FAT4: variants seen among roughly 807,000 people sequenced by gnomAD.
FAT4 encodes protocadherin Fat 4.
FAT4 carries 84 observed loss-of-function variants against 303.9 expected under a neutral mutation model. The ratio of observed to expected loss-of-function variants is 0.28; its 90% confidence interval spans 0.23 to 0.33. The LOEUF is 0.33. Ranked by LOEUF, FAT4 falls within the 10% of genes least tolerant of loss-of-function variation. The probability of loss-of-function intolerance (pLI) is 1.00; values close to 1 mark genes in which losing one functional copy is unlikely to be tolerated. For synonymous variants in FAT4, 2,307 were observed against 2,298.8 expected (o/e 1.00, Z -0.10); for missense variants, 6,005 against 6,146.8 (o/e 0.98, Z 0.77).
At chr4:125,390,100 C>T (rs954643074) in intron 2 of FAT4, among the ~76,000 whole-genome samples, 10 of 152,128 alleles carry the variant, frequency 6.6e-5, no homozygotes, top group Admixed American at 5.9e-4. Context: ...TGGCACCATC[C>T]TTTCGTGGCA....
rs547941018 is a variant in FAT4 at position 125,348,574 on chromosome 4, C to T, written c.5175+26988C>T. On this transcript the variant is annotated intron_variant, in intron 2 of 17. Transcript: ENST00000394329. The stretch of plus-strand genomic sequence containing the variant: ...TTTCTCCACTCTAGGTATGACCACT[C>T]AAGGTAGTACACTAGAGTAGTTCTT... Among the ~76,000 whole-genome samples the T allele has an allele frequency of 5.3e-5, 8 of 151,632 alleles. No homozygotes were observed. In the East Asian group the frequency reaches 9.7e-4, roughly 18 times the overall value.
At chr4:125,368,740 TGA>T (rs764162488) in intron 2 of FAT4, among the ~76,000 whole-genome samples, 9 of 150,744 alleles carry the variant, frequency 6.0e-5, no homozygotes, top group South Asian at 2.1e-4. Flanking sequence ...TTTTTTTTTT[TGA>T]GAGAGAGAGA....
intron 12 of FAT4, 69 bp from the exon 13 acceptor site, chr4:125,476,102 G>A: frequency 1.2e-6 from 1 of 812,348 alleles, no homozygotes; most frequent in Admixed American, 2.1e-5. Flanking sequence ...GTCATGGGTA[G>A]TGTTGGCTGG....
intron 2 of FAT4, among the ~76,000 whole-genome samples, chr4:125,371,553 G>A (rs1733114622): frequency 6.6e-6 from 1 of 151,602 alleles, no homozygotes; most frequent in South Asian, 2.1e-4. Flanking sequence ...AGAAATAGTT[G>A]ACCTCACAGT....
chr4:125,403,050 A>G (rs1342195711), intron 3 of FAT4, among the ~76,000 whole-genome samples: 1 of 152,030 alleles, frequency 6.6e-6, no homozygotes, highest in African/African-American at 2.4e-5. Context: ...CATTTGCAGA[A>G]GTCTAAGTCA....
At chr4:125,339,664 G>C (rs1036307711) in intron 2 of FAT4, among the ~76,000 whole-genome samples, 3 of 152,116 alleles carry the variant, frequency 2.0e-5, no homozygotes, top group African/African-American at 7.2e-5. Context: ...CTATGAAATA[G>C]TTATCGTTGT....
At chr4:125,332,201 C>T (rs1230982320) in intron 2 of FAT4, among the ~76,000 whole-genome samples, 1 of 143,952 alleles carries the variant, frequency 6.9e-6, no homozygotes, top group African/African-American at 2.6e-5. Context: ...CTCAACAAGC[C>T]TGTAAGGAAG....
chr4:125,466,310 A>G (rs1027614117), intron 11 of FAT4, among the ~76,000 whole-genome samples: 10 of 152,236 alleles, frequency 6.6e-5, no homozygotes, highest in Admixed American at 6.5e-4. Flanking sequence ...ATACAGTATC[A>G]ATTTGAATTA....
chr4:125,334,525 C>CAAATTA (rs755784558), intron 2 of FAT4, among the ~76,000 whole-genome samples: 5 of 152,076 alleles, frequency 3.3e-5, no homozygotes, highest in Non-Finnish European at 5.9e-5. Context: ...CTCCTGTCTT[C>CAAATTA]AAATTAAAAA....
Position 125,317,491 on chromosome 4 carries a change from C to G in FAT4, c.1080C>G (p.Ala360=). The change falls in exon 2 of 18, where the codon GCC becomes GCG. Residue 360 remains alanine (A), a synonymous_variant. Coordinates refer to ENST00000394329, the MANE Select transcript of FAT4 (RefSeq NM_001291303.3). The surrounding 1 kb of genome is among the most constrained non-coding windows in gnomAD (Gnocchi z 7.0). ...TAGTGAAGTTCCGCTACTTCCCGGC[C>G]ACCTCGCGCTACGCCTCGGTAGATG... is the stretch of plus-strand genomic sequence containing the variant. ...DPVVKFRYFP[A]TSRYASVDEN... is the part of the protein sequence containing the mutation. 1.2e-6 allele frequency: 2 copies of G among 1,613,806 alleles called. No homozygotes were observed. Among genetic ancestry groups the G allele is most frequent in the Middle Eastern group, 3.3e-4 (2 of 6,062 alleles).
chr4:125,314,985 A>G lies in FAT4; in HGVS notation c.-1005A>G, dbSNP rs72673276. 0.12 allele frequency among the ~76,000 whole-genome samples: 17,654 copies of G among 152,014 alleles called. 1,340 individuals carry two copies. The highest frequency in any genetic ancestry group is 0.16 in the Admixed American group (2,470 of 15,274). ...AAAGTGCGGGGATCAATGAGTGTCG[A>G]GCAAAGTTTCTGAGTGCTGCTCCAG... On this transcript the variant is annotated 5_prime_UTR_variant, in exon 1 of 18. Coordinates refer to ENST00000394329, the MANE Select transcript of FAT4 (RefSeq NM_001291303.3).
chr4:125,321,470 A>G lies in FAT4; in HGVS notation c.5059A>G (p.Thr1687Ala). The change falls in exon 2 of 18, where the codon ACT (threonine) becomes GCT (alanine). Residue 1687 changes from threonine to alanine, a missense_variant. Coordinates refer to ENST00000394329, the MANE Select transcript of FAT4 (RefSeq NM_001291303.3). ...ACGCCTCTTTACTATTGGACGACAT[A>G]CTGGTATAATTCAGACCGCAGCCAT... ...VGRLFTIGRH[T>A]GIIQTAAILD... 6.2e-6 allele frequency: 10 copies of G among 1,614,142 alleles called. 1 individual carries two copies. Among genetic ancestry groups the G allele is most frequent in the South Asian group, 4.4e-5 (4 of 91,090 alleles).
intron 12 of FAT4, among the ~76,000 whole-genome samples, chr4:125,471,935 G>A (rs867034788): frequency 1.2e-4 from 16 of 131,964 alleles, no homozygotes; most frequent in African/African-American, 3.7e-4. Flanking sequence ...AAATTAGCCC[G>A]GCATAGCGGT....
intron 11 of FAT4, among the ~76,000 whole-genome samples, chr4:125,464,379 C>G (rs1388184757): frequency 6.6e-6 from 1 of 152,114 alleles, no homozygotes; most frequent in East Asian, 1.9e-4. Flanking sequence ...TCAGAGGAAG[C>G]ATTTGTATTA....
intron 2 of FAT4, chr4:125,393,944 A>G: frequency 2.6e-6 from 2 of 780,284 alleles, no homozygotes; most frequent in Non-Finnish European, 4.8e-6. Flanking sequence ...AAATGGTAAC[A>G]ACGGTAGTGG....
rs538393226 is a variant in FAT4, at chr4:125,353,825, A to G, written c.5175+32239A>G. On this transcript the variant is annotated intron_variant, in intron 2 of 17. Transcript: ENST00000394329. ...AAATTCCAAATGAAGACTAAGTAAA[A>G]TATGTTTTGGTTGAATTGTGAAGTT... Among the ~76,000 whole-genome samples the G allele has an allele frequency of 5.3e-5, 8 of 151,786 alleles. No individual in the cohort carries two copies. The East Asian group carries it at 1.4e-3, about 26-fold the overall frequency.
At chr4:125,372,887 G>A (rs892091663) in intron 2 of FAT4, among the ~76,000 whole-genome samples, 4 of 152,122 alleles carry the variant, frequency 2.6e-5, no homozygotes, top group African/African-American at 9.7e-5. Context: ...GAAAACCCAT[G>A]TTTTTAATTT....
chr4:125,360,359 T>G (rs1419864562), intron 2 of FAT4, among the ~76,000 whole-genome samples: 5 of 152,162 alleles, frequency 3.3e-5, no homozygotes, highest in Admixed American at 3.3e-4. Flanking sequence ...TTCTTCATTT[T>G]CAAAACATTT....
In FAT4 at chr4:125,452,313, T is replaced by C; in HGVS notation, c.11303T>C (p.Val3768Ala). 1 of 1,614,236 alleles carries C rather than the reference T, an allele frequency of 6.2e-7. No individual in the cohort carries two copies. The highest frequency in any genetic ancestry group is 1.3e-5 in the African/African-American group (1 of 75,074). ...ENNRTFLLAA[V>A]KRNHNQYVNP... ...AATAGAACGTTTCTTTTGGCAGCTGTGAAGCGAAATCATAATCAGTATGTG... is the reference window on the plus strand; with the variant it reads ...AATAGAACGTTTCTTTTGGCAGCTGCGAAGCGAAATCATAATCAGTATGTG... The change falls in exon 10 of 18, where the codon GTG (valine) becomes GCG (alanine). Residue 3768 changes from valine to alanine, a missense_variant. By Grantham distance (64) the Val-to-Ala change is moderately conservative (BLOSUM62 0). Coordinates refer to ENST00000394329, the MANE Select transcript of FAT4 (RefSeq NM_001291303.3).
Sources: gnomAD v4.1 joint callset for allele counts (sites outside exome capture counted in the v4.1 genomes callset) on GRCh38, gnomAD v4.1.1 for gene constraint, Gnocchi (gnomAD v3.1) non-coding constraint, MANE v1.5 for transcripts, NCBI Gene and HGNC (gene_info 2026-07-23, HGNC 2026-07-21) for gene names.